Variants in EFHC1 observed in about 807,000 individuals in gnomAD.
The protein encoded by EFHC1 is EF-hand domain-containing protein 1.
A neutral mutation model predicts 69.9 loss-of-function variants in EFHC1; 53 were observed. That is an observed-to-expected ratio of 0.76 (90% CI 0.61 to 0.95). The LOEUF (loss-of-function observed/expected upper bound fraction) is 0.95. EFHC1 is among the 40% of genes least tolerant of loss of function. The pLI is 0.00. For missense variants in EFHC1, 739 were observed against 798.7 expected (o/e 0.93, Z 0.90); for synonymous variants, 256 against 278.4 (o/e 0.92, Z 0.80).
chr6:52,440,062 C>G (rs1228070977), intron 3 of EFHC1, among the ~76,000 whole-genome samples: 1 of 152,100 alleles, frequency 6.6e-6, no homozygotes, highest in Non-Finnish European at 1.5e-5. Flanking sequence ...TTGACCTAAT[C>G]TATTTATAGT....
At chr6:52,479,297 G>T in intron 8 of EFHC1, 47 bp downstream of exon 8, 1 of 1,590,898 alleles carries the variant, frequency 6.3e-7, no homozygotes, top group Non-Finnish European at 8.6e-7. Flanking sequence ...GCCTGAATGA[G>T]TTCTTAATTG....
intron 4 of EFHC1, chr6:52,453,163 G>T (rs1245562907): frequency 7.4e-7 from 1 of 1,343,712 alleles, no homozygotes; most frequent in African/African-American, 1.5e-5. Flanking sequence ...CCCTTAAAAT[G>T]AGCTAATTTC....
rs940950017 is a variant in EFHC1, at chr6:52,497,143, C to T, written c.*4802C>T. ...CCCCATGTTAAGAAAACCTCTTTTCCACTTTACTATTAAAGAGTCAAATAA... is the reference window on the plus strand; with the variant it reads ...CCCCATGTTAAGAAAACCTCTTTTCTACTTTACTATTAAAGAGTCAAATAA... On this transcript the variant is annotated 3_prime_UTR_variant, in exon 11 of 11. Coordinates refer to ENST00000371068, the MANE Select transcript of EFHC1 (RefSeq NM_018100.4). 1 of 149,776 alleles carries T rather than the reference C, an allele frequency of 6.7e-6. No homozygotes were observed. The highest frequency in any genetic ancestry group is 1.5e-5 in the Non-Finnish European group (1 of 67,236). The allele number at this position is 149,776 out of a possible 1,614,324, so 9.3% of individuals were successfully genotyped here.
At chr6:52,478,963 CT>C (rs1765604278) in intron 7 of EFHC1, 73 bp from the exon 8 acceptor site, 1 of 1,391,606 alleles carries the variant, frequency 7.2e-7, no homozygotes. Context: ...TACCTGGCCC[CT>C]ATAGGCATTT....
intron 3 of EFHC1, among the ~76,000 whole-genome samples, chr6:52,451,443 A>G (rs1764914733): frequency 6.6e-6 from 1 of 152,196 alleles, no homozygotes; most frequent in Admixed American, 6.5e-5. Flanking sequence ...TTCTTCTTTA[A>G]GAATGTTGAA....
rs138928203 is a variant in EFHC1, at chr6:52,474,536, G to A, written c.1279-4501G>A. Among the ~76,000 whole-genome samples the A allele has an allele frequency of 2.0e-3, 303 of 152,164 alleles. 1 individual carries two copies. The highest frequency in any genetic ancestry group is 6.8e-3 in the African/African-American group (283 of 41,526). ...AGATGGTGCTAAGGGTGCAATATATGTTCACCAAAAAATAAGAATGTTTAT... is the reference window on the plus strand; with the variant it reads ...AGATGGTGCTAAGGGTGCAATATATATTCACCAAAAAATAAGAATGTTTAT... On this transcript the variant is annotated intron_variant, in intron 7 of 10. Coordinates refer to ENST00000371068, the MANE Select transcript of EFHC1 (RefSeq NM_018100.4).
At chr6:52,444,028 G>A (rs1764724866) in intron 3 of EFHC1, among the ~76,000 whole-genome samples, 1 of 152,194 alleles carries the variant, frequency 6.6e-6, no homozygotes, top group African/African-American at 2.4e-5. Flanking sequence ...GGATTCCTAG[G>A]CATTTTATTC....
intron 6 of EFHC1, among the ~76,000 whole-genome samples, chr6:52,465,797 T>C (rs1266412976): frequency 1.3e-5 from 2 of 149,092 alleles, no homozygotes; most frequent in African/African-American, 2.4e-5. Context: ...ACAGAATGAG[T>C]GAAAGTCTGT....
chr6:52,482,466 T>A (rs1278885570), intron 9 of EFHC1: 2 of 201,218 alleles, frequency 9.9e-6, no homozygotes, highest in African/African-American at 4.6e-5. Flanking sequence ...ATAACATTAA[T>A]AATTAAAGTG....
chr6:52,491,032 T>G (rs1362861090), intron 10 of EFHC1: 1 of 152,312 alleles, frequency 6.6e-6, no homozygotes, highest in Non-Finnish European at 1.5e-5. Context: ...TTTTTAAAGA[T>G]CTTTTAGCCA....
In EFHC1 at chr6:52,423,969, G is replaced by C. The variant is rs770050215; in HGVS notation, c.87G>C (p.Gln29His). 6.2e-7 allele frequency: 1 copy of C among 1,613,902 alleles called. No homozygotes were observed. Among genetic ancestry groups the C allele is most frequent in the Non-Finnish European group, 8.5e-7 (1 of 1,180,026 alleles). ...AGAAAACAGCCTTCCACAGAAGTCA[G>C]ACGCTGAGCTACAGGAACGGCTATG... ...DSTKTAFHRSQTLSYRNGYAI... is the reference protein window; with the variant it reads ...DSTKTAFHRSHTLSYRNGYAI... The change falls in exon 2 of 11, where the codon CAG (glutamine) becomes CAC (histidine). Residue 29 changes from glutamine to histidine, a missense_variant. Physicochemically the swap from Gln to His is conservative, Grantham distance 24. Transcript: ENST00000371068.
rs563080977 is a variant in EFHC1, at chr6:52,492,482, G to T, written c.*141G>T. 9.5e-6 allele frequency: 8 copies of T among 839,230 alleles called. No homozygotes were observed. Among genetic ancestry groups the T allele is most frequent in the Non-Finnish European group, 1.6e-5 (8 of 510,700 alleles). The allele number at this position is 839,230 out of a possible 1,614,324, so 52.0% of individuals were successfully genotyped here. The stretch of plus-strand genomic sequence containing the variant: ...TTCTTCTTTCACTCCTACTGAAGTC[G>T]AAACTAAATTGGATCTAATAGGATC... On this transcript the variant is annotated 3_prime_UTR_variant, in exon 11 of 11. Coordinates refer to ENST00000371068, the MANE Select transcript of EFHC1 (RefSeq NM_018100.4).
intron 9 of EFHC1, among the ~76,000 whole-genome samples, chr6:52,480,858 A>T (rs1341296964): frequency 6.6e-6 from 1 of 152,180 alleles, no homozygotes; most frequent in Non-Finnish European, 1.5e-5. Flanking sequence ...GGAGTAGGAG[A>T]TGGAATTAGA....
At chr6:52,459,956 A>G (rs565508882) in intron 5 of EFHC1, among the ~76,000 whole-genome samples, 1 of 152,314 alleles carries the variant, frequency 6.6e-6, no homozygotes, top group Admixed American at 6.5e-5. Context: ...GATTACAGGC[A>G]TGAGCCACCG....
intron 6 of EFHC1, chr6:52,468,840 T>C (rs1229591148): frequency 4.7e-5 from 8 of 169,108 alleles, no homozygotes; most frequent in Admixed American, 2.2e-4. Context: ...CAGCAAGTGA[T>C]TTTGGGGTCA....
intron 9 of EFHC1, among the ~76,000 whole-genome samples, chr6:52,480,365 T>C (rs543961403): frequency 6.6e-6 from 1 of 152,328 alleles, no homozygotes; most frequent in East Asian, 1.9e-4. Context: ...TCAGTGGGCC[T>C]GTGCAATGCA....
intron 8 of EFHC1, 137 bp from the exon 9 acceptor site, chr6:52,479,503 T>G: frequency 7.6e-7 from 1 of 1,318,130 alleles, no homozygotes. Flanking sequence ...CATATTAGTA[T>G]GTCGTTTAAA....
intron 9 of EFHC1, chr6:52,486,269 A>G (rs1333089146): frequency 6.6e-6 from 1 of 152,212 alleles, no homozygotes; most frequent in Admixed American, 6.5e-5. Flanking sequence ...GTAACTGAGT[A>G]TTAACTTCAT....
At chr6:52,480,879 T>C (rs921634342) in intron 9 of EFHC1, among the ~76,000 whole-genome samples, 3 of 152,106 alleles carry the variant, frequency 2.0e-5, no homozygotes, top group African/African-American at 7.2e-5. Flanking sequence ...AAATTAACAA[T>C]GGGCTAGATT....
Sources: allele counts gnomAD v4.1 joint callset (sites outside exome capture counted in the v4.1 genomes callset), GRCh38; gene constraint gnomAD v4.1.1; transcripts MANE v1.5; gene names NCBI Gene and HGNC (gene_info 2026-07-23, HGNC 2026-07-21).